PCDH11X: variants seen among roughly 807,000 people sequenced by gnomAD.
PCDH11X encodes protocadherin 11 X-linked.
PCDH11X carries 18 observed loss-of-function variants against 53.3 expected under a neutral mutation model. That is an observed-to-expected ratio of 0.34 (90% CI 0.23 to 0.50). The LOEUF is 0.50. Among genes scored for constraint, PCDH11X ranks in the 20% least tolerant of loss-of-function variants. PCDH11X has a pLI of 0.98. For missense variants in PCDH11X, 570 were observed against 1,032.4 expected (o/e 0.55, Z 6.14); for synonymous variants, 279 against 393.3 (o/e 0.71, Z 3.44).
At chrX:92,383,799 T>A (rs2070946680) in intron 8 of PCDH11X, among the ~76,000 whole-genome samples, 1 of 111,556 alleles carries the variant, frequency 9.0e-6, no homozygotes, top group Non-Finnish European at 1.9e-5. Flanking sequence ...CGTGCATGAG[T>A]CTTTATAGTA....
At chrX:92,212,337 C>CTTAT (rs956861317) in intron 7 of PCDH11X, among the ~76,000 whole-genome samples, 1 of 110,457 alleles carries the variant, frequency 9.1e-6, no homozygotes, top group African/African-American at 3.3e-5. Context: ...TATTTATTTA[C>CTTAT]TTATTTATTT....
At chrX:92,364,769 G>C (rs1224569810) in intron 8 of PCDH11X, among the ~76,000 whole-genome samples, 1 of 102,758 alleles carries the variant, frequency 9.7e-6, no homozygotes, top group East Asian at 2.9e-4. Context: ...TGGGCACAGT[G>C]GTGGGCACCT....
intron 6 of PCDH11X, among the ~76,000 whole-genome samples, chrX:92,184,399 A>G (rs2066054323): frequency 8.9e-6 from 1 of 112,178 alleles, no homozygotes; most frequent in Non-Finnish European, 1.9e-5. Flanking sequence ...TAAAATGACC[A>G]TACTACCCAA....
intron 6 of PCDH11X, among the ~76,000 whole-genome samples, chrX:92,139,099 TTTGA>T (rs1164810664): frequency 5.2e-4 from 56 of 107,656 alleles, no homozygotes; most frequent in African/African-American, 1.8e-3. Flanking sequence ...ACCTCTCCTC[TTTGA>T]TTGGTAATGT....
intron 9 of PCDH11X, among the ~76,000 whole-genome samples, chrX:92,446,791 G>T (rs1303623024): frequency 9.0e-6 from 1 of 111,502 alleles, no homozygotes; most frequent in Non-Finnish European, 1.9e-5. Flanking sequence ...ACAAGCAGGG[G>T]TTGGAACAGT....
chrX:92,278,661 G>T (rs1199216752), intron 8 of PCDH11X, among the ~76,000 whole-genome samples: 4 of 110,526 alleles, frequency 3.6e-5, no homozygotes, highest in Non-Finnish European at 7.6e-5. Context: ...TCACAATGGT[G>T]GAATGTCATC....
chrX:92,255,135 C>T (rs1379439468), intron 7 of PCDH11X, among the ~76,000 whole-genome samples: 15 of 106,607 alleles, frequency 1.4e-4, no homozygotes, highest in South Asian at 4.3e-4. Context: ...AGGCTTTGCT[C>T]GTTTCTTTTT....
At chrX:91,922,449 G>A (rs35517205) in intron 6 of PCDH11X, among the ~76,000 whole-genome samples, 5 of 111,508 alleles carry the variant, frequency 4.5e-5, no homozygotes, top group Non-Finnish European at 7.5e-5. Flanking sequence ...CTCCTGGGCC[G>A]TGGACTGGTA....
At chrX:91,843,586 A>G (rs1937565510) in intron 5 of PCDH11X, among the ~76,000 whole-genome samples, 1 of 111,121 alleles carries the variant, frequency 9.0e-6, no homozygotes, top group African/African-American at 3.3e-5. Context: ...CTGAAATGTC[A>G]TGGTTACAGG....
At chrX:91,893,842 A>T (rs1176543271) in intron 6 of PCDH11X, among the ~76,000 whole-genome samples, 1 of 111,651 alleles carries the variant, frequency 9.0e-6, no homozygotes, top group African/African-American at 3.3e-5. Context: ...CTATATATAT[A>T]TAAAATTTTA....
At chrX:92,395,297 A>G (rs1235342715) in intron 9 of PCDH11X, among the ~76,000 whole-genome samples, 2 of 111,736 alleles carry the variant, frequency 1.8e-5, no homozygotes, top group East Asian at 2.8e-4. Flanking sequence ...AATTTTAAAT[A>G]TTATTTTGGG....
intron 6 of PCDH11X, among the ~76,000 whole-genome samples, chrX:92,137,005 CAG>C: frequency 1.0e-5 from 1 of 97,924 alleles, no homozygotes; most frequent in Admixed American, 1.2e-4. Context: ...TTTCTTGAGA[CAG>C]AATCTCATAT....
intron 7 of PCDH11X, among the ~76,000 whole-genome samples, chrX:92,201,826 T>C (rs769653478): frequency 4.1e-4 from 46 of 111,987 alleles, no homozygotes; most frequent in Admixed American, 3.0e-3. Flanking sequence ...AATTTGCTTT[T>C]TATGTTAATT....
chrX:91,799,558 G>C (rs1307352698), intron 1 of PCDH11X, among the ~76,000 whole-genome samples: 3 of 111,772 alleles, frequency 2.7e-5, no homozygotes, highest in Non-Finnish European at 5.6e-5. Flanking sequence ...TGAGTTTCCT[G>C]GTTGTGAAAT....
chrX:91,822,253 C>T (rs1936718217), intron 4 of PCDH11X, among the ~76,000 whole-genome samples: 1 of 108,088 alleles, frequency 9.3e-6, no homozygotes, highest in South Asian at 4.0e-4. Context: ...GGAATGGTAC[C>T]AGTTCCTCCT....
At chrX:92,518,185 G>A (rs977991643) in intron 10 of PCDH11X, among the ~76,000 whole-genome samples, 16 of 111,272 alleles carry the variant, frequency 1.4e-4, no homozygotes, top group Non-Finnish European at 3.0e-4. Flanking sequence ...TTAATTCTGT[G>A]GGTTTAACTG....
At chrX:91,829,434 ACACACACACC>A (rs1332921752) in intron 4 of PCDH11X, among the ~76,000 whole-genome samples, 58 of 90,989 alleles carry the variant, frequency 6.4e-4, no homozygotes, top group East Asian at 2.8e-3. Context: ...ACACACACAC[ACACACACACC>A]CACAATTATA....
chrX:92,446,204 G>T (rs768787158), intron 9 of PCDH11X, among the ~76,000 whole-genome samples: 1 of 108,824 alleles, frequency 9.2e-6, no homozygotes, highest in East Asian at 2.9e-4. Flanking sequence ...TATTTTAAAT[G>T]ATTCTATATC....
At chrX:92,554,810 G>A (rs759509478) in intron 10 of PCDH11X, among the ~76,000 whole-genome samples, 2 of 110,698 alleles carry the variant, frequency 1.8e-5, no homozygotes, top group East Asian at 5.7e-4. Context: ...TGTGAACTAA[G>A]AAGGGTCCTG....
Sources: allele counts gnomAD v4.1 joint callset (sites outside exome capture counted in the v4.1 genomes callset), GRCh38; gene constraint gnomAD v4.1.1; transcripts MANE v1.5; gene names NCBI Gene and HGNC (gene_info 2026-07-23, HGNC 2026-07-21).